ITSN1: variants seen among roughly 807,000 people sequenced by gnomAD.
ITSN1 encodes intersectin-1.
Under a neutral mutation model 239.8 loss-of-function variants are expected in ITSN1, and 58 were observed. The ratio of observed to expected loss-of-function variants is 0.24; its 90% confidence interval spans 0.20 to 0.30. The LOEUF (loss-of-function observed/expected upper bound fraction) is 0.30, where lower values mean the gene tolerates loss of function less well. Among genes scored for constraint, ITSN1 ranks in the 10% least tolerant of loss-of-function variants. The pLI, the probability that ITSN1 is intolerant of heterozygous loss-of-function variation, is 1.00. For synonymous variants in ITSN1, 780 were observed against 770.8 expected (o/e 1.01, Z -0.20); for missense variants, 1,558 against 2,103.3 (o/e 0.74, Z 5.07).
intron 31 of ITSN1, among the ~76,000 whole-genome samples, chr21:33,861,006 C>T (rs935812240): frequency 2.0e-5 from 3 of 152,170 alleles, no homozygotes; most frequent in Non-Finnish European, 4.4e-5. Context: ...CCTCTGATTC[C>T]CGGATTAGCT....
Position 33,683,632 on chromosome 21 carries a change from T to C in ITSN1, c.-32-35165T>C, listed in dbSNP as rs144964939. 1.4e-3 allele frequency among the ~76,000 whole-genome samples: 211 copies of C among 152,344 alleles called. 1 individual carries two copies. Among genetic ancestry groups the C allele is most frequent in the Admixed American group, 6.3e-3 (96 of 15,306 alleles). ...GAGATCTGAGAACTGGTTTGTCTCC[T>C]GCAATGAACAGATTGAATTCCTTAT... On this transcript the variant is annotated intron_variant, in intron 1 of 39. Coordinates refer to ENST00000381318, the MANE Select transcript of ITSN1 (RefSeq NM_003024.3).
At chr21:33,643,058 C>T (rs1011966244) in intron 1 of ITSN1, among the ~76,000 whole-genome samples, 2 of 150,098 alleles carry the variant, frequency 1.3e-5, no homozygotes, top group African/African-American at 2.4e-5. Flanking sequence ...TCGCGGGGAC[C>T]CCGGGCGGCC....
chr21:33,788,654 T>A (rs571948131), intron 16 of ITSN1, among the ~76,000 whole-genome samples: 99 of 152,144 alleles, frequency 6.5e-4, no homozygotes, highest in Non-Finnish European at 1.2e-3. Flanking sequence ...TCACTTGAAC[T>A]TCATCACGGC....
intron 20 of ITSN1, among the ~76,000 whole-genome samples, chr21:33,806,524 G>A (rs1199338514): frequency 4.6e-5 from 7 of 152,240 alleles, no homozygotes; most frequent in Non-Finnish European, 1.5e-5. Context: ...AATATCATCG[G>A]CCTTTGCCAA....
At chr21:33,819,741 G>A in intron 24 of ITSN1, among the ~76,000 whole-genome samples, 1 of 152,120 alleles carries the variant, frequency 6.6e-6, no homozygotes, top group Non-Finnish European at 1.5e-5. Flanking sequence ...CCAGCACTTT[G>A]GGAGGCCGAG....
At chr21:33,728,430 A>G (rs1396426408) in intron 4 of ITSN1, among the ~76,000 whole-genome samples, 3 of 150,528 alleles carry the variant, frequency 2.0e-5, no homozygotes, top group African/African-American at 4.9e-5. Flanking sequence ...GGGTTTCACC[A>G]TGTTGGGCAG....
chr21:33,896,472 C>T lies in ITSN1; in HGVS notation c.*8172C>T, dbSNP rs1350837930. The T allele has an allele frequency of 6.6e-6, 1 of 152,374 alleles. No homozygotes were observed. Among genetic ancestry groups the T allele is most frequent in the Non-Finnish European group, 1.5e-5 (1 of 68,156 alleles). 9.4% of individuals were successfully genotyped at this position (152,374 alleles called of 1,614,324 possible). A position where few individuals can be genotyped will look rare whatever the true frequency, so the allele number is the denominator to read the frequency against. Reference sequence around the variant, plus strand: ...GTGGCTGGACACTTGCTCCTCCAGCCTTCACCCCCTGGAGAGAAGGGGAGT... The same window carrying T: ...GTGGCTGGACACTTGCTCCTCCAGCTTTCACCCCCTGGAGAGAAGGGGAGT... On this transcript the variant is annotated 3_prime_UTR_variant, in exon 40 of 40. Transcript: ENST00000381318.
chr21:33,755,714 A>G (rs955460484), intron 8 of ITSN1, among the ~76,000 whole-genome samples: 2 of 152,216 alleles, frequency 1.3e-5, no homozygotes, highest in African/African-American at 2.4e-5. Context: ...TCTGAAGTCC[A>G]GCTTTGAACT....
chr21:33,655,746 C>A (rs2089008720), intron 1 of ITSN1, among the ~76,000 whole-genome samples: 1 of 151,966 alleles, frequency 6.6e-6, no homozygotes, highest in South Asian at 2.1e-4. Flanking sequence ...AAACAAGACT[C>A]TAAAGTGTAC....
intron 39 of ITSN1, among the ~76,000 whole-genome samples, chr21:33,886,700 T>G (rs1431974624): frequency 6.6e-6 from 1 of 152,114 alleles, no homozygotes; most frequent in Admixed American, 6.5e-5. Context: ...GGCAAACACG[T>G]CCATCTTCTG....
In ITSN1 at chr21:33,811,090, C is replaced by T. The variant is rs1289458348; in HGVS notation, c.2435C>T (p.Pro812Leu). The T allele has an allele frequency of 1.2e-6, 2 of 1,614,220 alleles. No homozygotes were observed. The highest frequency in any genetic ancestry group is 1.1e-5 in the South Asian group (1 of 91,086). ...EKIPENEVPA[P>L]VKPVTDSTSA... ...ATCCCAGAAAATGAGGTTCCCGCTC[C>T]AGTGAAACCAGTGACTGATTCAACA... Residue 812 changes from proline (P) to leucine (L), a missense_variant, in exon 21 of 40, where the codon CCA (proline) becomes CTA (leucine). This residue lies in a region of ITSN1 where 982 missense variants were observed against 1,209.9 expected (regional missense o/e 0.81). Coordinates refer to ENST00000381318, the MANE Select transcript of ITSN1 (RefSeq NM_003024.3).
intron 1 of ITSN1, among the ~76,000 whole-genome samples, chr21:33,653,225 C>T (rs2088708414): frequency 6.6e-6 from 1 of 152,132 alleles, no homozygotes; most frequent in Non-Finnish European, 1.5e-5. Context: ...GAACTCCTCA[C>T]TTCAGATGAT....
At chr21:33,774,604 G>T in intron 12 of ITSN1, 125 bp from the exon 13 acceptor site, 1 of 858,886 alleles carries the variant, frequency 1.2e-6, no homozygotes, top group Non-Finnish European at 1.8e-6. Context: ...TTTCTAATGT[G>T]ATTTCTTGTA....
intron 1 of ITSN1, among the ~76,000 whole-genome samples, chr21:33,655,174 C>T (rs889778965): frequency 3.3e-5 from 5 of 152,142 alleles, no homozygotes; most frequent in East Asian, 1.9e-4. Flanking sequence ...TTTACAAATG[C>T]GGACTCTGGC....
At chr21:33,658,498 C>T (rs2089277246) in intron 1 of ITSN1, among the ~76,000 whole-genome samples, 1 of 152,194 alleles carries the variant, frequency 6.6e-6, no homozygotes, top group South Asian at 2.1e-4. Flanking sequence ...CAAGTATTTA[C>T]AGTGGTATTT....
chr21:33,770,788 C>CA (rs1231880436), intron 11 of ITSN1, among the ~76,000 whole-genome samples: 1 of 131,348 alleles, frequency 7.6e-6, no homozygotes, highest in East Asian at 2.2e-4. Flanking sequence ...TTTTTTGAGA[C>CA]AGAGTCTGCT....
chr21:33,781,412 G>A (rs1245145805), intron 14 of ITSN1, 49 bp from the exon 15 acceptor site: 4 of 983,326 alleles, frequency 4.1e-6, no homozygotes, highest in Non-Finnish European at 6.5e-6. Context: ...TAATGTAGAT[G>A]TGGTAGCCTT....
At chr21:33,795,422 C>T (rs1468177932) in intron 17 of ITSN1, among the ~76,000 whole-genome samples, 3 of 152,182 alleles carry the variant, frequency 2.0e-5, no homozygotes, top group Admixed American at 6.5e-5. Context: ...GCACTCCAGC[C>T]TGGCAACAGA....
At chr21:33,677,219 G>A (rs948454355) in intron 1 of ITSN1, among the ~76,000 whole-genome samples, 2 of 152,138 alleles carry the variant, frequency 1.3e-5, no homozygotes, top group Non-Finnish European at 2.9e-5. Context: ...GCAAGTATGT[G>A]GGTATTTCCA....
Sources: allele counts gnomAD v4.1 joint callset (sites outside exome capture counted in the v4.1 genomes callset), GRCh38; gene constraint gnomAD v4.1.1; regional missense constraint gnomAD v4.1.1; transcripts MANE v1.5; gene names NCBI Gene and HGNC (gene_info 2026-07-23, HGNC 2026-07-21).